Variants in USP15 observed in about 807,000 individuals in gnomAD.
The protein encoded by USP15 is ubiquitin specific peptidase 15, also known as ubiquitin carboxyl-terminal hydrolase 15.
Under a neutral mutation model 127.1 loss-of-function variants are expected in USP15, and 18 were observed. The observed-to-expected ratio is 0.14, with a 90% CI of 0.10 to 0.21. The LOEUF is 0.21. Ranked by LOEUF, USP15 falls within the 10% of genes least tolerant of loss-of-function variation. The probability of loss-of-function intolerance (pLI) is 1.00; values close to 1 mark genes in which losing one functional copy is unlikely to be tolerated. For synonymous variants in USP15, 364 were observed against 393.7 expected (o/e 0.92, Z 0.89); for missense variants, 805 against 1,159.9 (o/e 0.69, Z 4.44).
intron 6 of USP15, among the ~76,000 whole-genome samples, chr12:62,342,697 C>A (rs1841896994): frequency 6.6e-6 from 1 of 152,210 alleles, no homozygotes; most frequent in South Asian, 2.1e-4. Context: ...AGGTCTACTC[C>A]AGACCCTGTT....
chr12:62,298,938 A>G (rs1402832939), intron 2 of USP15, among the ~76,000 whole-genome samples: 1 of 152,008 alleles, frequency 6.6e-6, no homozygotes, highest in Non-Finnish European at 1.5e-5. Context: ...AGAGTTGAAC[A>G]ACACTGTTAA....
intron 1 of USP15, among the ~76,000 whole-genome samples, chr12:62,289,363 C>T (rs1168412684): frequency 6.6e-6 from 1 of 152,046 alleles, no homozygotes; most frequent in Non-Finnish European, 1.5e-5. Flanking sequence ...AGTTTACCCA[C>T]TTCCTCTAGG....
At chr12:62,285,488 G>A (rs2063761794) in intron 1 of USP15, among the ~76,000 whole-genome samples, 1 of 151,974 alleles carries the variant, frequency 6.6e-6, no homozygotes, top group African/African-American at 2.4e-5. Flanking sequence ...GTATGTGTGT[G>A]TGTACATGAG....
chr12:62,366,473 A>G (rs2066481099), intron 8 of USP15, among the ~76,000 whole-genome samples: 1 of 152,178 alleles, frequency 6.6e-6, no homozygotes, highest in Non-Finnish European at 1.5e-5. Context: ...GGTTTTCTAA[A>G]TATACAATCA....
chr12:62,362,742 A>C (rs1277936873), intron 8 of USP15, among the ~76,000 whole-genome samples: 3 of 152,286 alleles, frequency 2.0e-5, no homozygotes, highest in Non-Finnish European at 4.4e-5. Flanking sequence ...TGAACAAAAC[A>C]GTTTTTTCCC....
At chr12:62,286,489 A>T (rs2063789538) in intron 1 of USP15, among the ~76,000 whole-genome samples, 2 of 152,222 alleles carry the variant, frequency 1.3e-5, no homozygotes, top group African/African-American at 4.8e-5. Context: ...AAGAACTAAA[A>T]ATAGAAATAC....
At chr12:62,322,440 T>A (rs552770620) in intron 5 of USP15, among the ~76,000 whole-genome samples, 1 of 152,154 alleles carries the variant, frequency 6.6e-6, no homozygotes, top group South Asian at 2.1e-4. Flanking sequence ...CCGGCCGGTA[T>A]TTTTTTAATA....
chr12:62,271,440 G>C (rs1485167817), intron 1 of USP15, among the ~76,000 whole-genome samples: 2 of 151,900 alleles, frequency 1.3e-5, no homozygotes, highest in African/African-American at 2.4e-5. Flanking sequence ...GTATATAGAT[G>C]CTCGTTATTA....
chr12:62,369,369 C>T (rs2066587323), intron 8 of USP15, among the ~76,000 whole-genome samples: 1 of 151,950 alleles, frequency 6.6e-6, no homozygotes, highest in Non-Finnish European at 1.5e-5. Context: ...TTTTTCACCT[C>T]AGAAATTCCC....
chr12:62,351,687 GACT>G (rs1174523771), intron 7 of USP15, among the ~76,000 whole-genome samples: 1 of 151,958 alleles, frequency 6.6e-6, no homozygotes, highest in Non-Finnish European at 1.5e-5. Flanking sequence ...TCTATCATAT[GACT>G]ACATTATATT....
rs747581440 is a variant in USP15 at position 62,383,077 on chromosome 12, T to A, written c.1090-763T>A. ...TCTATTTTGTCCCAGATAAGCTTTGTTGAGTGCTTACTAGGAATGCAAAAC... is the reference window on the plus strand; with the variant it reads ...TCTATTTTGTCCCAGATAAGCTTTGATGAGTGCTTACTAGGAATGCAAAAC... On this transcript the variant is annotated intron_variant, in intron 9 of 21. Transcript: ENST00000280377. Among the ~76,000 whole-genome samples the A allele has an allele frequency of 2.0e-5, 3 of 151,998 alleles. No individual in the cohort carries two copies. The East Asian group carries it at 5.8e-4, about 29-fold the overall frequency.
At chr12:62,326,490 C>T (rs2065130364) in intron 6 of USP15, among the ~76,000 whole-genome samples, 1 of 152,144 alleles carries the variant, frequency 6.6e-6, no homozygotes, top group South Asian at 2.1e-4. Context: ...TCTCAAAGCT[C>T]TAAGAAGTAA....
At chr12:62,385,511 A>G (rs2067119841) in intron 11 of USP15, among the ~76,000 whole-genome samples, 1 of 151,972 alleles carries the variant, frequency 6.6e-6, no homozygotes, top group East Asian at 1.9e-4. Flanking sequence ...ATGCAAATTT[A>G]AGCAATTTGT....
chr12:62,289,196 G>A (rs919244951), intron 1 of USP15, among the ~76,000 whole-genome samples: 3 of 149,974 alleles, frequency 2.0e-5, no homozygotes, highest in Admixed American at 6.7e-5. Context: ...ATTCAGCTCT[G>A]AATCTGTCCT....
At chr12:62,277,592 G>A (rs2063529619) in intron 1 of USP15, 1 of 152,174 alleles carries the variant, frequency 6.6e-6, no homozygotes, top group East Asian at 1.9e-4. Context: ...GAGTGAATGT[G>A]AAGGCCTAGG....
chr12:62,309,498 A>T (rs1409016519), intron 3 of USP15, among the ~76,000 whole-genome samples: 1 of 152,106 alleles, frequency 6.6e-6, no homozygotes, highest in Non-Finnish European at 1.5e-5. Flanking sequence ...TAGGGAAGCC[A>T]TAAACCAATA....
At chr12:62,273,409 T>C (rs2063394196) in intron 1 of USP15, among the ~76,000 whole-genome samples, 1 of 152,086 alleles carries the variant, frequency 6.6e-6, no homozygotes, top group South Asian at 2.1e-4. Flanking sequence ...TGCCAACCAC[T>C]TTATTCATAT....
intron 19 of USP15, 94 bp from the exon 20 acceptor site, chr12:62,396,197 GATAT>G: frequency 4.2e-6 from 3 of 712,250 alleles, no homozygotes; most frequent in East Asian, 3.2e-5. Context: ...GATAGATATA[GATAT>G]ATATATGTAT....
chr12:62,381,338 T>TACTCAACTCAATGA lies in USP15; in HGVS notation c.916-152_916-151insACTCAACTCAATGA, dbSNP rs2066983649. On this transcript the variant is annotated intron_variant, in intron 8 of 21. Transcript: ENST00000280377. ...TGAATAGTTGAGTACATCATTTGAG[T>TACTCAACTCAATGA]GTTTATTTGACCAGTTATTAGTGCA... 1.3e-5 allele frequency: 7 copies of TACTCAACTCAATGA among 543,756 alleles called. No homozygotes were observed. The South Asian group carries it at 2.5e-4, about 20-fold the overall frequency. The allele number at this position is 543,756 out of a possible 1,614,324, so 33.7% of individuals were successfully genotyped here.
Sources: gnomAD v4.1 joint callset for allele counts (sites outside exome capture counted in the v4.1 genomes callset) on GRCh38, gnomAD v4.1.1 for gene constraint, MANE v1.5 for transcripts, NCBI Gene and HGNC (gene_info 2026-07-23, HGNC 2026-07-21) for gene names.